The following RAPGEF2 variants were observed in gnomAD, a reference collection of about 807,000 sequenced individuals.
RAPGEF2 encodes the protein PDZ domain containing guanine nucleotide exchange factor (GEF) 1.
Under a neutral mutation model 186.7 loss-of-function variants are expected in RAPGEF2, and 54 were observed. That is an observed-to-expected ratio of 0.29 (90% CI 0.23 to 0.36). The LOEUF is 0.36. Ranked by LOEUF, RAPGEF2 falls within the 10% of genes least tolerant of loss-of-function variation. The probability of loss-of-function intolerance (pLI) is 1.00; values close to 1 mark genes in which losing one functional copy is unlikely to be tolerated. For synonymous variants in RAPGEF2, 712 were observed against 705.9 expected (o/e 1.01, Z -0.14); for missense variants, 1,532 against 2,045.0 (o/e 0.75, Z 4.84).
Position 159,330,004 on chromosome 4 carries a change from C to A in RAPGEF2, c.1296C>A (p.Val432=). Residue 432 remains valine, a synonymous_variant, in exon 12 of 30, where the codon GTC becomes GTA. Transcript: ENST00000691494. ...DRTGTRKGHI[V]IKGTSERLTM... ...CTGGAACAAGAAAGGGACACATTGT[C>A]ATCAAGGTAGGACACAGGACCACTC... 1.2e-6 allele frequency: 2 copies of A among 1,611,488 alleles called. No homozygotes were observed. The highest frequency in any genetic ancestry group is 8.5e-7 in the Non-Finnish European group (1 of 1,178,774).
chr4:159,191,246 C>A (rs1748088940), intron 2 of RAPGEF2, among the ~76,000 whole-genome samples: 1 of 151,802 alleles, frequency 6.6e-6, no homozygotes, highest in African/African-American at 2.4e-5. Context: ...AAGCAGAAGA[C>A]CAAGGACAGG....
intron 1 of RAPGEF2, among the ~76,000 whole-genome samples, chr4:159,155,303 C>T (rs1194431277): frequency 2.0e-5 from 3 of 152,118 alleles, no homozygotes; most frequent in African/African-American, 4.8e-5. Context: ...TTTAATTTTC[C>T]GTTTTGATTG....
chr4:159,325,673 G>GT (rs985285133), intron 11 of RAPGEF2, among the ~76,000 whole-genome samples: 3 of 151,862 alleles, frequency 2.0e-5, no homozygotes, highest in African/African-American at 7.3e-5. Context: ...TAGAAATTTT[G>GT]TAAGTATGAG....
intron 1 of RAPGEF2, among the ~76,000 whole-genome samples, chr4:159,164,620 G>A (rs1180487572): frequency 6.6e-6 from 1 of 152,036 alleles, no homozygotes; most frequent in African/African-American, 2.4e-5. Context: ...GCATATAATA[G>A]GTAGTTATTG....
intron 3 of RAPGEF2, among the ~76,000 whole-genome samples, chr4:159,204,990 G>A (rs931853156): frequency 1.3e-4 from 20 of 152,038 alleles, no homozygotes; most frequent in Admixed American, 1.1e-3. Flanking sequence ...ACTTGAAGGG[G>A]CTCCTTTGCT....
At chr4:159,128,119 G>C (rs530122625) in intron 1 of RAPGEF2, among the ~76,000 whole-genome samples, 1 of 152,044 alleles carries the variant, frequency 6.6e-6, no homozygotes, top group African/African-American at 2.4e-5. Context: ...CTTTTGTTAG[G>C]AGATACTTTA....
chr4:159,201,818 C>T (rs559148807), intron 3 of RAPGEF2, among the ~76,000 whole-genome samples: 2 of 152,200 alleles, frequency 1.3e-5, no homozygotes, highest in African/African-American at 4.8e-5. Context: ...GGGTGGCTGG[C>T]CCTCTGGAGT....
chr4:159,268,042 T>G (rs917571285), intron 7 of RAPGEF2: 52 of 1,461,834 alleles, frequency 3.6e-5, no homozygotes, highest in Admixed American at 1.6e-4. Context: ...TGGTTTTCCC[T>G]CCTCCCTTTT....
chr4:159,165,653 C>T (rs190081285), intron 1 of RAPGEF2, among the ~76,000 whole-genome samples: 48 of 152,150 alleles, frequency 3.2e-4, no homozygotes, highest in Non-Finnish European at 4.1e-4. Flanking sequence ...GGTCTCAATC[C>T]GTTGACCAGG....
intron 7 of RAPGEF2, among the ~76,000 whole-genome samples, chr4:159,257,732 T>C (rs1176474705): frequency 6.6e-6 from 1 of 152,212 alleles, no homozygotes; most frequent in Non-Finnish European, 1.5e-5. Context: ...ATGAGATGGT[T>C]GTAGATGTGC....
intron 1 of RAPGEF2, among the ~76,000 whole-genome samples, chr4:159,144,254 T>C (rs1331399405): frequency 6.6e-6 from 1 of 152,250 alleles, no homozygotes; most frequent in African/African-American, 2.4e-5. Flanking sequence ...CTTACCTTAG[T>C]CTTACTGTAT....
intron 7 of RAPGEF2, among the ~76,000 whole-genome samples, chr4:159,249,892 G>A (rs1755104395): frequency 6.6e-6 from 1 of 152,022 alleles, no homozygotes; most frequent in Non-Finnish European, 1.5e-5. Flanking sequence ...CAGCTCAGTA[G>A]GGTTAAGTAT....
intron 1 of RAPGEF2, among the ~76,000 whole-genome samples, chr4:159,114,366 T>C (rs920995185): frequency 6.6e-6 from 1 of 152,114 alleles, no homozygotes; most frequent in African/African-American, 2.4e-5. Flanking sequence ...CCTCCCAAAG[T>C]GCTGGGATTA....
At chr4:159,139,786 A>G (rs1742115380) in intron 1 of RAPGEF2, among the ~76,000 whole-genome samples, 1 of 152,220 alleles carries the variant, frequency 6.6e-6, no homozygotes, top group Non-Finnish European at 1.5e-5. Flanking sequence ...AGCATAAACA[A>G]CTTTTGCATC....
intron 1 of RAPGEF2, among the ~76,000 whole-genome samples, chr4:159,153,893 T>G (rs1408108644): frequency 6.6e-6 from 1 of 152,216 alleles, no homozygotes; most frequent in Non-Finnish European, 1.5e-5. Flanking sequence ...CAAGCCTCAT[T>G]GCTTAGCATG....
At chr4:159,111,955 T>C (rs569730233) in intron 1 of RAPGEF2, among the ~76,000 whole-genome samples, 2 of 152,302 alleles carry the variant, frequency 1.3e-5, no homozygotes, top group East Asian at 3.9e-4. Flanking sequence ...GCACCACAAA[T>C]GGTTCTTGTT....
chr4:159,104,419 C>T (rs900168945), intron 1 of RAPGEF2, among the ~76,000 whole-genome samples, 188 bp downstream of exon 1: 1 of 150,552 alleles, frequency 6.6e-6, no homozygotes, highest in Non-Finnish European at 1.5e-5. Flanking sequence ...TTTATTTTTC[C>T]CTCTCCTTGA....
chr4:159,180,740 ATGATTATATGGATATG>A (rs1384579853), intron 1 of RAPGEF2, among the ~76,000 whole-genome samples: 1 of 152,222 alleles, frequency 6.6e-6, no homozygotes, highest in Non-Finnish European at 1.5e-5. Flanking sequence ...CCTAAAAATC[ATGATTATATGGATATG>A]AATGTTTTAT....
intron 9 of RAPGEF2, 89 bp downstream of exon 9, chr4:159,314,857 G>A (rs1402198074): frequency 4.1e-6 from 5 of 1,221,652 alleles, no homozygotes; most frequent in Non-Finnish European, 5.6e-6. Context: ...AGACTAGTAG[G>A]CTTTAAAAAC....
Sources: gnomAD v4.1 joint callset for allele counts (sites outside exome capture counted in the v4.1 genomes callset) on GRCh38, gnomAD v4.1.1 for gene constraint, MANE v1.5 for transcripts, NCBI Gene and HGNC (gene_info 2026-07-23, HGNC 2026-07-21) for gene names.